The following SHCBP1L variants were observed in gnomAD, a reference collection of about 807,000 sequenced individuals.
SHCBP1L encodes SHC binding and spindle associated 1 like.
Under a neutral mutation model 62.5 loss-of-function variants are expected in SHCBP1L, and 67 were observed. The ratio of observed to expected loss-of-function variants is 1.07; its 90% CI spans 0.88 to 1.31. The LOEUF (loss-of-function observed/expected upper bound fraction) is 1.31. SHCBP1L is among the 40% of genes most tolerant of loss of function. The pLI is 0.00. For missense variants in SHCBP1L, 823 were observed against 809.8 expected (o/e 1.02, Z -0.20); for synonymous variants, 284 against 289.4 (o/e 0.98, Z 0.19).
chr1:182,902,467 A>G (rs564944694), intron 9 of SHCBP1L, among the ~76,000 whole-genome samples: 1 of 152,292 alleles, frequency 6.6e-6, no homozygotes, highest in South Asian at 2.1e-4. Flanking sequence ...AATCTATTTG[A>G]GGAGACAAAA....
rs1167588228 is a variant in SHCBP1L, at chr1:182,899,883, T to A, written c.*100A>T. The A allele has an allele frequency of 1.5e-5, 15 of 990,918 alleles. No homozygotes were observed. The highest frequency in any genetic ancestry group is 2.1e-5 in the Non-Finnish European group (15 of 705,288). The allele number at this position is 990,918 out of a possible 1,614,324, so 61.4% of individuals were successfully genotyped here. A position where few individuals can be genotyped will look rare whatever the true frequency, so the allele number is the denominator to read the frequency against. ...GAAAGCATGATATTTAAATATTTTTTAATTAAGCTTTGAATTGAAACTACC... is the reference window on the plus strand; with the variant it reads ...GAAAGCATGATATTTAAATATTTTTAAATTAAGCTTTGAATTGAAACTACC... On this transcript the variant is annotated 3_prime_UTR_variant, in exon 10 of 10. Coordinates refer to ENST00000367547, the MANE Select transcript of SHCBP1L (RefSeq NM_030933.4).
chr1:182,931,335 C>G (rs1268749877), intron 5 of SHCBP1L, among the ~76,000 whole-genome samples: 3 of 151,968 alleles, frequency 2.0e-5, no homozygotes, highest in Admixed American at 6.6e-5. Flanking sequence ...GTTTATCATG[C>G]TATCCTAGTT....
chr1:182,949,969 G>C (rs893217612), intron 2 of SHCBP1L, among the ~76,000 whole-genome samples: 8 of 151,878 alleles, frequency 5.3e-5, no homozygotes, highest in Admixed American at 5.2e-4. Context: ...TTCTGGTAGA[G>C]ATGGGGTTTC....
chr1:182,924,774 AAGAAAGAAAGAAAGAG>A (rs1557996807), intron 6 of SHCBP1L, among the ~76,000 whole-genome samples: 1 of 105,456 alleles, frequency 9.5e-6, no homozygotes. Flanking sequence ...GAAAGAAAGA[AAGAAAGAAAGAAAGAG>A]AGAAAGAAAG....
At chr1:182,939,709 C>G (rs1267287493) in intron 3 of SHCBP1L, among the ~76,000 whole-genome samples, 156 bp from the exon 4 acceptor site, 1 of 152,056 alleles carries the variant, frequency 6.6e-6, no homozygotes, top group Non-Finnish European at 1.5e-5. Flanking sequence ...GGTAAAACTT[C>G]AAAAATTAGA....
At chr1:182,935,533 T>C (rs534832483) in intron 5 of SHCBP1L, among the ~76,000 whole-genome samples, 1 of 152,208 alleles carries the variant, frequency 6.6e-6, no homozygotes, top group African/African-American at 2.4e-5. Context: ...ATTTATCGGT[T>C]TCAGGAGTTT....
At chr1:182,924,797 A>AGAGAGAAAGAGAGAGAAAGGAAGG (rs1557996930) in intron 6 of SHCBP1L, among the ~76,000 whole-genome samples, 5 of 122,746 alleles carry the variant, frequency 4.1e-5, no homozygotes, top group African/African-American at 2.2e-4. Context: ...AGAGAGAAAG[A>AGAGAGAAAGAGAGAGAAAGGAAGG]AAGGAAGGAA....
chr1:182,931,133 A>T (rs560003128), intron 5 of SHCBP1L, among the ~76,000 whole-genome samples: 20 of 152,166 alleles, frequency 1.3e-4, no homozygotes, highest in African/African-American at 4.1e-4. Context: ...ATTTAAACAT[A>T]TAGCAGTATC....
In SHCBP1L at chr1:182,905,734, C is replaced by A. The variant is rs1172644645; in HGVS notation, c.1183-85G>T. 9.1e-6 allele frequency: 12 copies of A among 1,312,768 alleles called. No homozygotes were observed. In the East Asian group the frequency reaches 2.9e-4, roughly 31 times the overall value. 81.3% of individuals were successfully genotyped at this position (1,312,768 alleles called of 1,614,324 possible). A position where few individuals can be genotyped will look rare whatever the true frequency, so the allele number is the denominator to read the frequency against. On this transcript the variant is annotated intron_variant, in intron 6 of 9. Transcript: ENST00000367547. Reference sequence around the variant, plus strand: ...TAATCAGTTACTTACTGGACAAGTACTTTTCCCAAAAGACTTATCATTTAT... The same window carrying A: ...TAATCAGTTACTTACTGGACAAGTAATTTTCCCAAAAGACTTATCATTTAT...
At chr1:182,921,955 C>T (rs1434322272) in intron 6 of SHCBP1L, among the ~76,000 whole-genome samples, 2 of 152,134 alleles carry the variant, frequency 1.3e-5, no homozygotes, top group African/African-American at 2.4e-5. Flanking sequence ...GGAGAAAAAT[C>T]TACCAAGCAA....
chr1:182,922,940 C>G (rs919150105), intron 6 of SHCBP1L, among the ~76,000 whole-genome samples: 7 of 152,012 alleles, frequency 4.6e-5, no homozygotes, highest in African/African-American at 1.7e-4. Flanking sequence ...AAAAACCATA[C>G]AAAAGATCAA....
chr1:182,901,135 C>A (rs1413080518), intron 9 of SHCBP1L, among the ~76,000 whole-genome samples: 2 of 152,082 alleles, frequency 1.3e-5, no homozygotes, highest in Admixed American at 6.6e-5. Flanking sequence ...GAGGGACAAC[C>A]ACATTCAGAT....
chr1:182,929,607 CTAAT>C (rs1557998916), intron 6 of SHCBP1L, 36 bp downstream of exon 6: 1 of 1,354,580 alleles, frequency 7.4e-7, no homozygotes, highest in East Asian at 2.4e-5. Context: ...TTATACACAG[CTAAT>C]ACTTAAATAA....
chr1:182,915,161 CAAAAAAAAAAAAAA>C (rs371432299), intron 6 of SHCBP1L, among the ~76,000 whole-genome samples: 35 of 31,880 alleles, frequency 1.1e-3, no homozygotes, highest in South Asian at 3.1e-3. Flanking sequence ...GACTCTGTCT[CAAAAAAAAAAAAAA>C]AAAAAAAAAA....
Position 182,940,437 on chromosome 1 carries a change from T to A in SHCBP1L, c.662A>T (p.Asp221Val), listed in dbSNP as rs766988853. 27 of 1,613,942 alleles carry A rather than the reference T, an allele frequency of 1.7e-5. No individual in the cohort carries two copies. The highest frequency in any genetic ancestry group is 3.3e-4 in the Middle Eastern group (2 of 6,058). The change falls in exon 3 of 10, where the codon GAT (aspartate) becomes GTT (valine). Residue 221 changes from aspartate (D) to valine (V), a missense_variant. Asp to Val is a radical substitution (Grantham distance 152, BLOSUM62 -3). Coordinates refer to ENST00000367547, the MANE Select transcript of SHCBP1L (RefSeq NM_030933.4). ...GTGTTCCAGTTCCTCCAAAATCTCATCAACCAAATCTCTTGGAATATTTGC... is the reference window on the plus strand; with the variant it reads ...GTGTTCCAGTTCCTCCAAAATCTCAACAACCAAATCTCTTGGAATATTTGC... ...NIANIPRDLV[D>V]EILEELEHSV...
Position 182,939,218 on chromosome 1 carries a change from A to C in SHCBP1L, c.1034T>G (p.Met345Arg). ...ECWKKYYEIV[M>R]LCGLLKMWED... ...CCACATTTTCAGTAATCCACAGAGCATGACTATCTCATAGTATTTTTTCCA... is the reference window on the plus strand; with the variant it reads ...CCACATTTTCAGTAATCCACAGAGCCTGACTATCTCATAGTATTTTTTCCA... The change falls in exon 5 of 10, where the codon ATG becomes AGG. Residue 345 changes from methionine (M) to arginine (R), a missense_variant. Physicochemically the swap from Met to Arg is moderately conservative, Grantham distance 91. Transcript: ENST00000367547. 6.2e-7 allele frequency: 1 copy of C among 1,613,968 alleles called. No individual in the cohort carries two copies. The highest frequency in any genetic ancestry group is 8.5e-7 in the Non-Finnish European group (1 of 1,179,962).
intron 6 of SHCBP1L, among the ~76,000 whole-genome samples, chr1:182,917,241 A>T (rs181315187): frequency 1.3e-5 from 2 of 152,232 alleles, no homozygotes; most frequent in Non-Finnish European, 2.9e-5. Context: ...ACTGAACTCA[A>T]CAACATATTT....
chr1:182,945,314 A>G (rs962430952), intron 2 of SHCBP1L, among the ~76,000 whole-genome samples: 1 of 152,070 alleles, frequency 6.6e-6, no homozygotes, highest in Non-Finnish European at 1.5e-5. Context: ...AAATTCCTTA[A>G]GTTGTAAAAA....
chr1:182,947,770 C>T (rs917149502), intron 2 of SHCBP1L, among the ~76,000 whole-genome samples: 19 of 152,130 alleles, frequency 1.2e-4, no homozygotes, highest in South Asian at 1.2e-3. Context: ...TCTCAAATTT[C>T]TGGGCTCAAG....
Sources: gnomAD v4.1 joint callset for allele counts (sites outside exome capture counted in the v4.1 genomes callset) on GRCh38, gnomAD v4.1.1 for gene constraint, MANE v1.5 for transcripts, NCBI Gene and HGNC (gene_info 2026-07-23, HGNC 2026-07-21) for gene names.